The following MANBA variants were observed in gnomAD, a reference collection of about 807,000 sequenced individuals.
MANBA encodes beta-mannosidase.
MANBA carries 83 observed loss-of-function variants against 111.1 expected under a neutral mutation model. The observed-to-expected ratio is 0.75, with a 90% CI of 0.63 to 0.90. The LOEUF (loss-of-function observed/expected upper bound fraction) is 0.90, where lower values mean the gene tolerates loss of function less well. Ranked by LOEUF, MANBA falls within the 40% of genes least tolerant of loss-of-function variation. The pLI is 0.00. For synonymous variants in MANBA, 370 were observed against 378.7 expected (o/e 0.98, Z 0.27); for missense variants, 1,036 against 1,069.0 (o/e 0.97, Z 0.43).
chr4:102,710,114 C>A (rs1348964386), intron 5 of MANBA, among the ~76,000 whole-genome samples: 1 of 152,026 alleles, frequency 6.6e-6, no homozygotes, highest in Non-Finnish European at 1.5e-5. Flanking sequence ...AAAAAGATGC[C>A]CACGTTCACC....
intron 5 of MANBA, among the ~76,000 whole-genome samples, chr4:102,700,099 G>GT: frequency 6.8e-6 from 1 of 147,616 alleles, no homozygotes; most frequent in Admixed American, 6.7e-5. Flanking sequence ...GAGTGTATGT[G>GT]TCGAGGAATT....
In MANBA at chr4:102,635,305, G is replaced by T. The variant is rs4586937; in HGVS notation, c.2158-260C>A. 5.9e-5 allele frequency among the ~76,000 whole-genome samples: 9 copies of T among 152,052 alleles called. No individual in the cohort carries two copies. The East Asian group carries it at 9.7e-4, about 16-fold the overall frequency. On this transcript the variant is annotated intron_variant, in intron 15 of 16. Transcript: ENST00000647097. ...AGAATTTAAAAAATAATCCACGGAAGGCACAGTACCTGGTGCGTTGTAATT... is the reference window on the plus strand; with the variant it reads ...AGAATTTAAAAAATAATCCACGGAATGCACAGTACCTGGTGCGTTGTAATT...
At chr4:102,721,321 C>A (rs1414256418) in intron 4 of MANBA, among the ~76,000 whole-genome samples, 1 of 146,070 alleles carries the variant, frequency 6.8e-6, no homozygotes. Flanking sequence ...AAGACTCCAT[C>A]TCAAATACAT....
At chr4:102,639,998 TTAGG>T in intron 13 of MANBA, 141 bp from the exon 14 acceptor site, 2 of 849,834 alleles carry the variant, frequency 2.4e-6, no homozygotes, top group Non-Finnish European at 3.9e-6. Flanking sequence ...TTAATTAGTA[TTAGG>T]AATACATTAT....
chr4:102,673,259 C>G (rs1266971932), intron 8 of MANBA, among the ~76,000 whole-genome samples: 1 of 152,194 alleles, frequency 6.6e-6, no homozygotes, highest in East Asian at 1.9e-4. Flanking sequence ...GTAATCCCAA[C>G]ACTTTGGGAG....
intron 1 of MANBA, among the ~76,000 whole-genome samples, chr4:102,750,370 C>T (rs1319980711): frequency 6.6e-6 from 1 of 151,830 alleles, no homozygotes; most frequent in Admixed American, 6.6e-5. Context: ...AATATTTCAT[C>T]CTTACAAGTC....
chr4:102,703,609 T>C (rs902529821), intron 5 of MANBA, among the ~76,000 whole-genome samples: 1 of 152,210 alleles, frequency 6.6e-6, no homozygotes, highest in Non-Finnish European at 1.5e-5. Flanking sequence ...GCTTGAGATA[T>C]TCTGCAGACC....
At chr4:102,669,673 G>A (rs529637080) in intron 9 of MANBA, among the ~76,000 whole-genome samples, 2 of 152,042 alleles carry the variant, frequency 1.3e-5, no homozygotes, top group East Asian at 1.9e-4. Context: ...GGTGAAACCC[G>A]GTCTCTACTA....
At chr4:102,727,434 C>A in intron 1 of MANBA, 1 of 1,259,232 alleles carries the variant, frequency 7.9e-7, no homozygotes, top group Non-Finnish European at 1.2e-6. Context: ...TGGTATAGGC[C>A]AATTGCACAT....
At chr4:102,686,107 T>C (rs1414539832) in intron 7 of MANBA, among the ~76,000 whole-genome samples, 1 of 152,178 alleles carries the variant, frequency 6.6e-6, no homozygotes, top group Non-Finnish European at 1.5e-5. Context: ...ATATGGGTCC[T>C]AAATCTACTC....
At chr4:102,706,161 A>T (rs1363123089) in intron 5 of MANBA, among the ~76,000 whole-genome samples, 1 of 152,056 alleles carries the variant, frequency 6.6e-6, no homozygotes, top group African/African-American at 2.4e-5. Flanking sequence ...TCATGCTTGG[A>T]CTCACTAACA....
At chr4:102,669,895 G>A (rs1357259034) in intron 9 of MANBA, among the ~76,000 whole-genome samples, 3 of 152,082 alleles carry the variant, frequency 2.0e-5, no homozygotes. Context: ...CAGGAGAATG[G>A]CGTGAACCCA....
At chr4:102,735,797 C>G (rs1723196369) in intron 1 of MANBA, among the ~76,000 whole-genome samples, 1 of 152,166 alleles carries the variant, frequency 6.6e-6, no homozygotes, top group Non-Finnish European at 1.5e-5. Context: ...AAAGTAGGCA[C>G]TCATACACTC....
chr4:102,683,456 G>A (rs900149284), intron 7 of MANBA, among the ~76,000 whole-genome samples: 21 of 152,166 alleles, frequency 1.4e-4, no homozygotes, highest in Non-Finnish European at 2.1e-4. Flanking sequence ...TTAGGTGTAA[G>A]AGAAATATCA....
At chr4:102,750,364 T>C (rs1482220805) in intron 1 of MANBA, among the ~76,000 whole-genome samples, 1 of 152,170 alleles carries the variant, frequency 6.6e-6, no homozygotes. Flanking sequence ...CAAACAAATA[T>C]TTCATCCTTA....
rs1206874885 is a variant in MANBA at position 102,632,298 on chromosome 4, A to T, written c.2416-17T>A. 6.4e-7 allele frequency: 1 copy of T among 1,552,266 alleles called. No individual in the cohort carries two copies. The highest frequency in any genetic ancestry group is 1.4e-5 in the African/African-American group (1 of 73,666). ...GATGATGGCCTGAAAAAGAAAAAAA[A>T]AAATGAATGAAGTGAAGGATGAGGG... is the stretch of plus-strand genomic sequence containing the variant. On this transcript the variant is annotated splice_polypyrimidine_tract_variant and intron_variant, in intron 16 of 16. Transcript: ENST00000647097.
chr4:102,692,021 T>A (rs1052732885), intron 5 of MANBA, among the ~76,000 whole-genome samples: 1 of 152,162 alleles, frequency 6.6e-6, no homozygotes, highest in African/African-American at 2.4e-5. Context: ...ACGGTCCAAA[T>A]GACACTGGGT....
At chr4:102,699,532 A>G (rs1732909571) in intron 5 of MANBA, among the ~76,000 whole-genome samples, 1 of 150,480 alleles carries the variant, frequency 6.6e-6, no homozygotes, top group Non-Finnish European at 1.5e-5. Context: ...GATACGTCCC[A>G]TCAATACCTA....
chr4:102,760,816 C>T lies in MANBA; in HGVS notation c.79G>A (p.Gly27Ser). ...TTCCCATTGCAGATGCTCCAGTTGC[C>T]ACGCAAGCTGTAACTGAGCTCCGCG... ...TAAELSYSLR[G>S]NWSICNGNGS... is the part of the protein sequence containing the mutation. The change falls in exon 1 of 17, where the codon GGC (glycine) becomes AGC (serine). Residue 27 changes from glycine to serine, a missense_variant. Transcript: ENST00000647097. 1 of 1,564,924 alleles carries T rather than the reference C, an allele frequency of 6.4e-7. No homozygotes were observed. The highest frequency in any genetic ancestry group is 8.7e-7 in the Non-Finnish European group (1 of 1,154,824).
Sources: gnomAD v4.1 joint callset for allele counts (sites outside exome capture counted in the v4.1 genomes callset) on GRCh38, gnomAD v4.1.1 for gene constraint, MANE v1.5 for transcripts, NCBI Gene and HGNC (gene_info 2026-07-23, HGNC 2026-07-21) for gene names.